NCOA2: variants seen among roughly 807,000 people sequenced by gnomAD.
NCOA2 encodes the protein nuclear receptor coactivator 2, also known as class E basic helix-loop-helix protein 75.
NCOA2 carries 21 observed loss-of-function variants against 145.1 expected under a neutral mutation model. That is an observed-to-expected ratio of 0.14 (90% CI 0.10 to 0.21). The LOEUF (loss-of-function observed/expected upper bound fraction) is 0.21. Ranked by LOEUF, NCOA2 falls within the 10% of genes least tolerant of loss-of-function variation. NCOA2 has a pLI of 1.00. For missense variants in NCOA2, 1,472 were observed against 1,837.6 expected, an observed-to-expected ratio of 0.80 and a Z score of 3.64; for synonymous variants, 619 against 637.5, an observed-to-expected ratio of 0.97 and a Z score of 0.44.
chr8:70,363,514 A>C (rs533738244), intron 1 of NCOA2, among the ~76,000 whole-genome samples: 1 of 152,320 alleles, frequency 6.6e-6, no homozygotes, highest in Non-Finnish European at 1.5e-5. Flanking sequence ...AACTTTATTC[A>C]TAATTGCTAG....
Position 70,178,612 on chromosome 8 carries a change from C to T in NCOA2, c.260-3753G>A, listed in dbSNP as rs755199485. Among the ~76,000 whole-genome samples, 14 of 152,114 alleles carry T rather than the reference C, an allele frequency of 9.2e-5. 1 individual carries two copies. The highest frequency in any genetic ancestry group is 2.1e-4 in the Non-Finnish European group (14 of 68,012). On this transcript the variant is annotated intron_variant, in intron 4 of 22. Coordinates refer to ENST00000452400, the MANE Select transcript of NCOA2 (RefSeq NM_006540.4). ...AGCAAAGTGAAAAATCCTCGTCTGCCGAGGGCTCACCCTCTGTCCAGGAGG... is the reference window on the plus strand; with the variant it reads ...AGCAAAGTGAAAAATCCTCGTCTGCTGAGGGCTCACCCTCTGTCCAGGAGG...
intron 1 of NCOA2, among the ~76,000 whole-genome samples, chr8:70,304,627 G>A (rs551754463): frequency 4.5e-4 from 69 of 151,806 alleles, no homozygotes; most frequent in East Asian, 1.4e-3. Flanking sequence ...CACCATGCCC[G>A]GCTAATTTTT....
chr8:70,169,367 C>A (rs1405309713), intron 6 of NCOA2, among the ~76,000 whole-genome samples: 1 of 152,238 alleles, frequency 6.6e-6, no homozygotes, highest in Non-Finnish European at 1.5e-5. Context: ...ACTGGAGAGT[C>A]TGCAAGACCG....
chr8:70,424,550 G>A, the NCOA2 span: 1 of 526,870 alleles, frequency 1.9e-6, no homozygotes, highest in Non-Finnish European at 3.8e-6. Flanking sequence ...AAATATGCTG[G>A]AATTTCTCAG....
intron 1 of NCOA2, among the ~76,000 whole-genome samples, chr8:70,299,585 C>T (rs1827338605): frequency 6.6e-6 from 1 of 152,152 alleles, no homozygotes; most frequent in African/African-American, 2.4e-5. Flanking sequence ...AAATACTCAA[C>T]ATCATTAGTT....
Position 70,138,203 on chromosome 8 carries a change from C to A in NCOA2, c.3158G>T (p.Arg1053Met). The stretch of plus-strand genomic sequence containing the variant: ...GCTACCCTAGGTGCTCAGGACTCAC[C>A]TGTTTTGGCTGGCAAAAGACGCCTG... ...IDQASFASQNRQPFGSSPDDL... is the reference protein window; with the variant it reads ...IDQASFASQNMQPFGSSPDDL... Residue 1053 changes from arginine to methionine, a missense_variant and splice_region_variant, in exon 15 of 23, where the codon AGG (arginine) becomes ATG (methionine). Transcript: ENST00000452400. The A allele has an allele frequency of 6.2e-7, 1 of 1,612,066 alleles. No homozygotes were observed. The highest frequency in any genetic ancestry group is 8.5e-7 in the Non-Finnish European group (1 of 1,179,366).
intron 2 of NCOA2, among the ~76,000 whole-genome samples, chr8:70,218,899 C>T (rs1355568364): frequency 6.6e-6 from 1 of 151,900 alleles, no homozygotes; most frequent in Non-Finnish European, 1.5e-5. Context: ...ATGGCTATTC[C>T]CCCCCTCAAA....
intron 1 of NCOA2, among the ~76,000 whole-genome samples, chr8:70,329,121 C>T (rs1806853285): frequency 6.6e-6 from 1 of 151,896 alleles, no homozygotes. Flanking sequence ...TGCCTGGCTA[C>T]TGTTTTCTGG....
chr8:70,145,885 C>T (rs1811007342), intron 12 of NCOA2, among the ~76,000 whole-genome samples: 1 of 152,136 alleles, frequency 6.6e-6, no homozygotes, highest in South Asian at 2.1e-4. Context: ...CCTGCCTTGG[C>T]CCCCCAAAGT....
intron 4 of NCOA2, among the ~76,000 whole-genome samples, chr8:70,175,692 A>G (rs1019780765): frequency 6.6e-6 from 1 of 152,276 alleles, no homozygotes; most frequent in Non-Finnish European, 1.5e-5. Flanking sequence ...TTTACAGCAT[A>G]ACACATACAT....
At chr8:70,271,150 CAAG>C (rs541993563) in intron 2 of NCOA2, among the ~76,000 whole-genome samples, 82 of 152,130 alleles carry the variant, frequency 5.4e-4, no homozygotes, top group African/African-American at 1.9e-3. Context: ...CTTTTTAAAC[CAAG>C]AAGGAGATCT....
intron 4 of NCOA2, among the ~76,000 whole-genome samples, chr8:70,184,767 C>G (rs893209830): frequency 3.3e-5 from 5 of 152,162 alleles, no homozygotes; most frequent in African/African-American, 1.2e-4. Flanking sequence ...TCTGGCTCTG[C>G]CACCAACCCT....
intron 1 of NCOA2, among the ~76,000 whole-genome samples, chr8:70,348,058 A>AC (rs1295804711): frequency 6.6e-6 from 1 of 152,178 alleles, no homozygotes; most frequent in Non-Finnish European, 1.5e-5. Context: ...AATAGTTCCT[A>AC]CCCCCCAGGG....
intron 1 of NCOA2, among the ~76,000 whole-genome samples, chr8:70,304,424 T>C (rs1214073312): frequency 1.3e-5 from 2 of 151,892 alleles, no homozygotes; most frequent in South Asian, 2.1e-4. Context: ...TCTTGCCTAA[T>C]GAGGCAATAC....
At chr8:70,456,277 T>A in the NCOA2 span, among the ~76,000 whole-genome samples, 1 of 152,084 alleles carries the variant, frequency 6.6e-6, no homozygotes, top group East Asian at 1.9e-4. Context: ...AGAAAAAGAA[T>A]AAGGGCTAAA....
upstream of NCOA2, among the ~76,000 whole-genome samples, chr8:70,404,995 C>A (rs75640797): frequency 5.9e-3 from 894 of 152,224 alleles, 5 homozygotes; most frequent in African/African-American, 0.02. Context: ...GTTTATTGAA[C>A]ACTTACTGTG....
intron 11 of NCOA2, among the ~76,000 whole-genome samples, chr8:70,152,089 A>G (rs1168828235): frequency 6.6e-6 from 1 of 152,244 alleles, no homozygotes; most frequent in Non-Finnish European, 1.5e-5. Context: ...ATGCTTTGCC[A>G]AGATACTTCA....
chr8:70,117,458 T>C (rs1807268368), intron 22 of NCOA2, among the ~76,000 whole-genome samples: 1 of 152,242 alleles, frequency 6.6e-6, no homozygotes, highest in Non-Finnish European at 1.5e-5. Context: ...TCCCAATGCC[T>C]GAGGCTGAGG....
chr8:70,118,078 G>A (rs907066100), intron 22 of NCOA2, among the ~76,000 whole-genome samples: 4 of 152,156 alleles, frequency 2.6e-5, no homozygotes, highest in South Asian at 2.1e-4. Context: ...TGGCTTTCTC[G>A]GGGCACCTGC....
Sources: allele counts gnomAD v4.1 joint callset (sites outside exome capture counted in the v4.1 genomes callset), GRCh38; gene constraint gnomAD v4.1.1; transcripts MANE v1.5; gene names NCBI Gene and HGNC (gene_info 2026-07-23, HGNC 2026-07-21).